NEK4: variants seen among roughly 807,000 people sequenced by gnomAD.
NEK4 encodes the protein NIMA related kinase 4.
Under a neutral mutation model 98.4 loss-of-function variants are expected in NEK4, and 86 were observed. The ratio of observed to expected loss-of-function variants is 0.87; its 90% CI spans 0.73 to 1.05. NEK4 has a LOEUF of 1.05. Among genes scored for constraint, NEK4 ranks in the 50% least tolerant of loss-of-function variants. The pLI is 0.00. For missense variants in NEK4, 898 were observed against 950.3 expected, an observed-to-expected ratio of 0.94 and a Z score of 0.72; for synonymous variants, 328 against 342.2, an observed-to-expected ratio of 0.96 and a Z score of 0.46.
intron 6 of NEK4, among the ~76,000 whole-genome samples, chr3:52,756,110 T>C (rs1382076925): frequency 6.6e-6 from 1 of 152,218 alleles, no homozygotes; most frequent in African/African-American, 2.4e-5. Flanking sequence ...TTTCTTTTTT[T>C]CTCTTTTTAC....
At chr3:52,764,456 C>G (rs1384417629) in intron 4 of NEK4, among the ~76,000 whole-genome samples, 2 of 151,254 alleles carry the variant, frequency 1.3e-5, no homozygotes, top group Admixed American at 6.6e-5. Flanking sequence ...ACAGTGAAAC[C>G]CCATCTCTAC....
At chr3:52,764,083 GAGACC>G (rs1272439237) in intron 4 of NEK4, among the ~76,000 whole-genome samples, 1 of 152,086 alleles carries the variant, frequency 6.6e-6, no homozygotes, top group Non-Finnish European at 1.5e-5. Flanking sequence ...TCAGGAGTTT[GAGACC>G]AGTCTGGCCA....
intron 4 of NEK4, among the ~76,000 whole-genome samples, chr3:52,765,093 G>A (rs1698503443): frequency 6.6e-6 from 1 of 152,110 alleles, no homozygotes; most frequent in East Asian, 1.9e-4. Context: ...GCTCACACCT[G>A]TAATCCCAGC....
Position 52,770,939 on chromosome 3 carries a change from C to T in NEK4, c.-193G>A, listed in dbSNP as rs1698765393. The T allele has an allele frequency of 1.0e-5, 6 of 593,742 alleles. No homozygotes were observed. Among genetic ancestry groups the T allele is most frequent in the South Asian group, 6.0e-5 (3 of 49,770 alleles). 36.8% of individuals were successfully genotyped at this position (593,742 alleles called of 1,614,324 possible). ...ATAGCGATCCGGGCCGGGAGCAGTTCTGCGCATGCTCCTGCGTCCCCAAAG... is the reference window on the plus strand; with the variant it reads ...ATAGCGATCCGGGCCGGGAGCAGTTTTGCGCATGCTCCTGCGTCCCCAAAG... On this transcript the variant is annotated 5_prime_UTR_variant, in exon 1 of 16. Transcript: ENST00000233027.
chr3:52,738,362 C>T lies in NEK4; in HGVS notation c.2300-643G>A, dbSNP rs189261578. Among the ~76,000 whole-genome samples the T allele has an allele frequency of 4.6e-5, 7 of 151,446 alleles. No homozygotes were observed. The East Asian group carries it at 1.4e-3, about 29-fold the overall frequency. Reference sequence around the variant, plus strand: ...AAGCAATCCTCCCACCTTGGCCTCCCAAAGCAATGAGATTACAGGCATGAT... The same window carrying T: ...AAGCAATCCTCCCACCTTGGCCTCCTAAAGCAATGAGATTACAGGCATGAT... On this transcript the variant is annotated intron_variant, in intron 14 of 15. Transcript: ENST00000233027.
chr3:52,715,094 C>G (rs2154101848), intron 15 of NEK4, among the ~76,000 whole-genome samples: 1 of 152,320 alleles, frequency 6.6e-6, no homozygotes. Context: ...CACCTTCCGG[C>G]CAGGGAGGGA....
chr3:52,743,991 A>G (rs1471369387), intron 11 of NEK4, among the ~76,000 whole-genome samples: 2 of 152,202 alleles, frequency 1.3e-5, no homozygotes, highest in African/African-American at 2.4e-5. Flanking sequence ...CCCAGGACTT[A>G]CTGCCACTCA....
chr3:52,755,329 T>C (rs1456417779), intron 6 of NEK4, among the ~76,000 whole-genome samples: 2 of 152,010 alleles, frequency 1.3e-5, no homozygotes, highest in Non-Finnish European at 2.9e-5. Context: ...TTTTGGAAGA[T>C]AGTGGTGATG....
chr3:52,746,143 G>A lies in NEK4; in HGVS notation c.1745C>T (p.Thr582Ile). The A allele has an allele frequency of 6.2e-7, 1 of 1,614,066 alleles. No individual in the cohort carries two copies. Among genetic ancestry groups the A allele is most frequent in the Admixed American group, 1.7e-5 (1 of 60,006 alleles). The change falls in exon 10 of 16, where the codon ACA (threonine) becomes ATA (isoleucine). Residue 582 changes from threonine to isoleucine, a missense_variant. By Grantham distance (89) the Thr-to-Ile change is moderately conservative (BLOSUM62 -1). Transcript: ENST00000233027. ...PIVGKVDVTSTQKEAENQRRV... is the reference protein window; with the variant it reads ...PIVGKVDVTSIQKEAENQRRV... ...ACGTTGGTTTTCAGCCTCTTTTTGT[G>A]TTGATGTGACATCCACTTTCCCAAC...
intron 10 of NEK4, 95 bp from the exon 11 acceptor site, chr3:52,744,400 T>C: frequency 9.9e-7 from 1 of 1,009,678 alleles, no homozygotes. Flanking sequence ...AAGAAAAAGG[T>C]CTGAGCTGGA....
At chr3:52,765,391 G>A (rs897938697) in intron 4 of NEK4, among the ~76,000 whole-genome samples, 1 of 151,374 alleles carries the variant, frequency 6.6e-6, no homozygotes, top group Non-Finnish European at 1.5e-5. Context: ...AATGATACAT[G>A]GATGCCTGAA....
At chr3:52,737,430 G>T (rs1025524477) in intron 15 of NEK4, 156 bp downstream of exon 15, 1 of 679,902 alleles carries the variant, frequency 1.5e-6, no homozygotes, top group Non-Finnish European at 2.4e-6. Flanking sequence ...TTCTAATATC[G>T]ATTGTGGTAA....
rs751002684 is a variant in NEK4, at chr3:52,721,617, T to C, written c.2434-9748A>G. ...TAAGTGTGGTGGGGCACGCCTATTG[T>C]CCAAGCTACTAAGGAGGCTGGGACA... On this transcript the variant is annotated intron_variant, in intron 15 of 15. Transcript: ENST00000233027. Among the ~76,000 whole-genome samples, 28 of 151,864 alleles carry C rather than the reference T, an allele frequency of 1.8e-4. 1 individual carries two copies. The East Asian group carries it at 5.2e-3, about 28-fold the overall frequency.
rs1286562315 is a variant in NEK4, at chr3:52,743,387, C to A, written c.1969G>T (p.Ala657Ser). 5 of 1,614,160 alleles carry A rather than the reference C, an allele frequency of 3.1e-6. No individual in the cohort carries two copies. The highest frequency in any genetic ancestry group is 4.2e-6 in the Non-Finnish European group (5 of 1,180,012). The change falls in exon 12 of 16, where the codon GCC becomes TCC. Residue 657 changes from alanine to serine, a missense_variant. Transcript: ENST00000233027. Reference protein sequence around the residue: ...KPQEEDQPLPARRLSSDCSVT... With the variant: ...KPQEEDQPLPSRRLSSDCSVT... ...CTGCAGTCAGAGGAGAGCCGTCGGG[C>A]AGGCAAGGGCTGGTCTTCTTCCTGG... is the stretch of plus-strand genomic sequence containing the variant.
chr3:52,758,567 T>C (rs1030254563), intron 6 of NEK4, among the ~76,000 whole-genome samples: 7 of 151,246 alleles, frequency 4.6e-5, no homozygotes, highest in African/African-American at 1.5e-4. Context: ...AATAAAAAAA[T>C]AGATAAACTG....
At chr3:52,767,632 C>T (rs973184403) in intron 2 of NEK4, among the ~76,000 whole-genome samples, 14 of 151,612 alleles carry the variant, frequency 9.2e-5, no homozygotes, top group Admixed American at 5.3e-4. Flanking sequence ...GCAGGAGAAT[C>T]GCTTGAACCT....
intron 6 of NEK4, among the ~76,000 whole-genome samples, chr3:52,759,897 G>T (rs1220072765): frequency 6.6e-6 from 1 of 152,178 alleles, no homozygotes; most frequent in Non-Finnish European, 1.5e-5. Context: ...GACCTAAAAA[G>T]AAATGAAGTA....
At chr3:52,721,771 G>C (rs2097360348) in intron 15 of NEK4, among the ~76,000 whole-genome samples, 1 of 151,920 alleles carries the variant, frequency 6.6e-6, no homozygotes, top group Admixed American at 6.6e-5. Flanking sequence ...ATTTACAGGG[G>C]AATTTGGAAA....
intron 8 of NEK4, among the ~76,000 whole-genome samples, chr3:52,747,911 C>G (rs1385295458): frequency 6.6e-6 from 1 of 151,868 alleles, no homozygotes; most frequent in Non-Finnish European, 1.5e-5. Flanking sequence ...TGCCACTGTC[C>G]TCTAGCCTGG....
Sources: allele counts gnomAD v4.1 joint callset (sites outside exome capture counted in the v4.1 genomes callset), GRCh38; gene constraint gnomAD v4.1.1; transcripts MANE v1.5; gene names NCBI Gene and HGNC (gene_info 2026-07-23, HGNC 2026-07-21).